Variants in FBXO3 observed in about 807,000 individuals in gnomAD.
The protein encoded by FBXO3 is F-box only protein 3.
Under a neutral mutation model 64.8 loss-of-function variants are expected in FBXO3, and 17 were observed. The observed-to-expected ratio is 0.26, with a 90% CI of 0.18 to 0.39. The LOEUF (loss-of-function observed/expected upper bound fraction) is 0.39. Among genes scored for constraint, FBXO3 ranks in the 10% least tolerant of loss-of-function variants. FBXO3 has a pLI of 1.00. For synonymous variants in FBXO3, 182 were observed against 201.6 expected, an observed-to-expected ratio of 0.90 and a Z score of 0.82; for missense variants, 420 against 589.9, an observed-to-expected ratio of 0.71 and a Z score of 2.98.
At chr11:33,771,098 G>A (rs1855500072) in intron 1 of FBXO3, 1 of 274,978 alleles carries the variant, frequency 3.6e-6, no homozygotes. Flanking sequence ...GACCATATAT[G>A]CCATTGGAGT....
intron 1 of FBXO3, 66 bp from the exon 2 acceptor site, chr11:33,770,896 A>G (rs943913700): frequency 7.9e-7 from 1 of 1,262,982 alleles, no homozygotes; most frequent in Non-Finnish European, 1.1e-6. Context: ...AATAAAGATT[A>G]AAATATTCAT....
intron 2 of FBXO3, among the ~76,000 whole-genome samples, 166 bp downstream of exon 2, chr11:33,770,575 G>A (rs997309428): frequency 6.6e-6 from 1 of 152,182 alleles, no homozygotes; most frequent in Non-Finnish European, 1.5e-5. Flanking sequence ...AGCAGCAGTG[G>A]GCTAAGGACA....
chr11:33,755,002 G>C (rs896078983), intron 5 of FBXO3, among the ~76,000 whole-genome samples: 1 of 151,688 alleles, frequency 6.6e-6, no homozygotes, highest in Non-Finnish European at 1.5e-5. Flanking sequence ...AAGTAGCTGG[G>C]ACTAAGGCAT....
intron 3 of FBXO3, among the ~76,000 whole-genome samples, chr11:33,763,017 T>G (rs1222305420): frequency 6.6e-6 from 1 of 152,110 alleles, no homozygotes; most frequent in East Asian, 1.9e-4. Flanking sequence ...ATAGATGAAG[T>G]GGACAATTTC....
chr11:33,755,669 T>C (rs1401347062), intron 5 of FBXO3, 102 bp downstream of exon 5: 1 of 836,106 alleles, frequency 1.2e-6, no homozygotes, highest in East Asian at 2.6e-5. Context: ...AAATGCATAA[T>C]ATTCTATACC....
At position 33,741,846 on chromosome 11, in the gene FBXO3, T is replaced by C; in HGVS notation, c.*62A>G. ...GCAGAGAACAATTTAGTTATTTACA[T>C]TATTGAGAAATCTATTTAACAGCCT... On this transcript the variant is annotated 3_prime_UTR_variant, in exon 11 of 11. Transcript: ENST00000265651. The C allele has an allele frequency of 6.8e-7, 1 of 1,471,526 alleles. No homozygotes were observed. Among genetic ancestry groups the C allele is most frequent in the Non-Finnish European group, 9.0e-7 (1 of 1,105,852 alleles). 91.2% of individuals were successfully genotyped at this position (1,471,526 alleles called of 1,614,324 possible). A position where few individuals can be genotyped will look rare whatever the true frequency, so the allele number is the denominator to read the frequency against.
At position 33,743,277 on chromosome 11, in the gene FBXO3, T is replaced by G. The variant is rs901653994; in HGVS notation, c.1240-1193A>C. On this transcript the variant is annotated intron_variant, in intron 10 of 10. Coordinates refer to ENST00000265651, the MANE Select transcript of FBXO3 (RefSeq NM_012175.4). This position sits in a 1 kb window ranked among gnomAD's most constrained non-coding sequence, Gnocchi z 4.6. Reference sequence around the variant, plus strand: ...GGAAATGACAGCCTCTATTTTAAAATTACCTTGTTGGAGGCTCTCAGATTA... The same window carrying G: ...GGAAATGACAGCCTCTATTTTAAAAGTACCTTGTTGGAGGCTCTCAGATTA... 2.0e-5 allele frequency: 3 copies of G among 152,214 alleles called. No individual in the cohort carries two copies. The highest frequency in any genetic ancestry group is 2.9e-5 in the Non-Finnish European group (2 of 68,052). The allele number at this position is 152,214 out of a possible 1,614,324, so 9.4% of individuals were successfully genotyped here.
intron 1 of FBXO3, chr11:33,773,912 T>G: frequency 6.5e-6 from 1 of 153,896 alleles, no homozygotes; most frequent in South Asian, 1.8e-4. Context: ...GCCAGGGGAG[T>G]AAGGGGTTGC....
chr11:33,774,332 C>T, intron 1 of FBXO3, 62 bp downstream of exon 1: 2 of 1,396,968 alleles, frequency 1.4e-6, no homozygotes, highest in South Asian at 2.5e-5. Flanking sequence ...ACCCCCTTTC[C>T]CCCTGCCTCA....
intron 3 of FBXO3, among the ~76,000 whole-genome samples, chr11:33,761,318 C>T (rs1173173790): frequency 6.6e-6 from 1 of 151,900 alleles, no homozygotes; most frequent in Non-Finnish European, 1.5e-5. Flanking sequence ...ACAAACAGAT[C>T]AGATAAAAAA....
intron 1 of FBXO3, chr11:33,773,242 A>G (rs1855554559): frequency 6.6e-6 from 1 of 152,236 alleles, no homozygotes; most frequent in Admixed American, 6.5e-5. Flanking sequence ...GCAGCAATCA[A>G]AAGTTGGAGA....
intron 6 of FBXO3, 58 bp from the exon 7 acceptor site, chr11:33,751,665 AC>A (rs141462780): frequency 0.01 from 10,365 of 1,005,126 alleles, 391 homozygotes; most frequent in East Asian, 0.097. Flanking sequence ...TAAAATCTAT[AC>A]AGGAAACAAT....
Position 33,768,927 on chromosome 11 carries a change from A to G in FBXO3, c.282T>C (p.Ala94=), listed in dbSNP as rs1050344943. 8.7e-6 allele frequency: 14 copies of G among 1,613,976 alleles called. No individual in the cohort carries two copies. The African/African-American group carries it at 9.3e-5, about 11-fold the overall frequency. ...SDVGRYIDHY[A]AIKKAWDDLK... is the part of the protein sequence containing the mutation. Reference sequence around the variant, plus strand: ...GATCATCCCAGGCCTTTTTAATAGCAGCATAATGGTCAATGTATCTTCCTA... The same window carrying G: ...GATCATCCCAGGCCTTTTTAATAGCGGCATAATGGTCAATGTATCTTCCTA... The change falls in exon 3 of 11, where the codon GCT becomes GCC. Residue 94 remains alanine (A), a synonymous_variant. Transcript: ENST00000265651.
intron 7 of FBXO3, 50 bp downstream of exon 7, chr11:33,751,473 T>C: frequency 8.1e-7 from 1 of 1,230,856 alleles, no homozygotes; most frequent in South Asian, 1.3e-5. Context: ...ACTTATCATT[T>C]TTCTCTGATT....
At chr11:33,769,437 GAA>G (rs1182656581) in intron 2 of FBXO3, among the ~76,000 whole-genome samples, 1 of 151,930 alleles carries the variant, frequency 6.6e-6, no homozygotes, top group Non-Finnish European at 1.5e-5. Flanking sequence ...GAGAATCATA[GAA>G]CATGAAAGTA....
chr11:33,759,295 A>C (rs984553418), intron 3 of FBXO3, among the ~76,000 whole-genome samples: 1 of 152,226 alleles, frequency 6.6e-6, no homozygotes, highest in Non-Finnish European at 1.5e-5. Context: ...ATCGGAAGCC[A>C]CCTTGTCTTT....
At chr11:33,770,556 GC>G (rs1399908940) in intron 2 of FBXO3, among the ~76,000 whole-genome samples, 184 bp downstream of exon 2, 1 of 152,230 alleles carries the variant, frequency 6.6e-6, no homozygotes, top group Non-Finnish European at 1.5e-5. Flanking sequence ...GTAGAGTTCA[GC>G]AAGGGAGAGC....
Position 33,747,132 on chromosome 11 carries a change from A to G in FBXO3, c.1237T>C (p.Leu413=), listed in dbSNP as rs372627696. The G allele has an allele frequency of 2.1e-5, 34 of 1,609,040 alleles. No homozygotes were observed. Among genetic ancestry groups the G allele is most frequent in the Non-Finnish European group, 2.7e-5 (32 of 1,178,936 alleles). The change falls in exon 10 of 11, where the codon TTG becomes CTG. Residue 413 remains leucine (L), a splice_region_variant and synonymous_variant. Transcript: ENST00000265651. The part of the protein sequence containing the change: ...CPTFRVSIAR[L]EMGPDEYEEM... ...CACTAGAGGAAAATTTAACTTACCA[A>G]TCGGGCTATAGACACCCTGAATGTT...
chr11:33,761,027 T>C (rs1437630499), intron 3 of FBXO3, among the ~76,000 whole-genome samples: 1 of 152,300 alleles, frequency 6.6e-6, no homozygotes, highest in Middle Eastern at 3.4e-3. Flanking sequence ...TAGGAGGTGA[T>C]TGGAGTTAAA....
Sources: gnomAD v4.1 joint callset for allele counts (sites outside exome capture counted in the v4.1 genomes callset) on GRCh38, gnomAD v4.1.1 for gene constraint, Gnocchi (gnomAD v3.1) non-coding constraint, MANE v1.5 for transcripts, NCBI Gene and HGNC (gene_info 2026-07-23, HGNC 2026-07-21) for gene names.